Variants in ZMAT4 observed in about 807,000 individuals in gnomAD.
The protein encoded by ZMAT4 is zinc finger matrin-type protein 4.
A neutral mutation model predicts 28.7 loss-of-function variants in ZMAT4; 17 were observed. That is an observed-to-expected ratio of 0.59 (90% confidence interval 0.41 to 0.89). The LOEUF (loss-of-function observed/expected upper bound fraction) is 0.89. ZMAT4 is among the 40% of genes least tolerant of loss of function. The pLI is 0.00. For synonymous variants in ZMAT4, 117 were observed against 109.2 expected (o/e 1.07, Z -0.44); for missense variants, 240 against 283.8 (o/e 0.85, Z 1.11).
In ZMAT4 at chr8:40,858,849, A is replaced by G. The variant is rs113905145; in HGVS notation, c.-4-33169T>C. 3.1e-3 allele frequency among the ~76,000 whole-genome samples: 467 copies of G among 152,258 alleles called. 3 individuals carry two copies. Among genetic ancestry groups the G allele is most frequent in the African/African-American group, 0.011 (449 of 41,536 alleles). On this transcript the variant is annotated intron_variant, in intron 1 of 6. Coordinates refer to ENST00000297737, the MANE Select transcript of ZMAT4 (RefSeq NM_024645.3). ...ATGATCAAATACAGGAAATCTGTCCATGCTCATTTGTACACGGGTCTTTGC... is the reference window on the plus strand; with the variant it reads ...ATGATCAAATACAGGAAATCTGTCCGTGCTCATTTGTACACGGGTCTTTGC...
intron 1 of ZMAT4, among the ~76,000 whole-genome samples, chr8:40,891,272 A>AGGGGGGAG (rs1818673754): frequency 2.0e-5 from 2 of 98,012 alleles, no homozygotes; most frequent in Non-Finnish European, 4.2e-5. Flanking sequence ...GGGAGGGGGA[A>AGGGGGGAG]GGGGAAATTG....
chr8:40,719,094 A>C (rs1196401631), intron 3 of ZMAT4, among the ~76,000 whole-genome samples: 3 of 152,036 alleles, frequency 2.0e-5, no homozygotes, highest in Non-Finnish European at 1.5e-5. Context: ...CATTACCCCA[A>C]ACTGATGTTT....
intron 5 of ZMAT4, among the ~76,000 whole-genome samples, chr8:40,658,919 C>A (rs1352105886): frequency 6.6e-6 from 1 of 152,094 alleles, no homozygotes; most frequent in Non-Finnish European, 1.5e-5. Flanking sequence ...TTGATTGCTC[C>A]CCATTGTCTT....
chr8:40,824,823 A>G lies in ZMAT4; in HGVS notation c.102+752T>C, dbSNP rs907121029. On this transcript the variant is annotated intron_variant, in intron 2 of 6. Coordinates refer to ENST00000297737, the MANE Select transcript of ZMAT4 (RefSeq NM_024645.3). ...CCTACTAGTATATGTTCTTTTGAAA[A>G]CAGAACATGCCCTAGTAGCTCTCAG... 1.8e-3 allele frequency among the ~76,000 whole-genome samples: 254 copies of G among 143,730 alleles called. No individual in the cohort carries two copies. In the Middle Eastern group the frequency reaches 0.026, roughly 15 times the overall value. The allele number at this position is 143,730 out of a possible 152,430, so 94.3% of individuals were successfully genotyped here.
chr8:40,851,307 G>T (rs1817098651), intron 1 of ZMAT4, among the ~76,000 whole-genome samples: 1 of 152,024 alleles, frequency 6.6e-6, no homozygotes, highest in Admixed American at 6.6e-5. Flanking sequence ...CAGCCTGAGT[G>T]ATAAGAGCGA....
intron 2 of ZMAT4, among the ~76,000 whole-genome samples, chr8:40,804,513 C>G (rs963327543): frequency 6.6e-5 from 10 of 152,084 alleles, no homozygotes; most frequent in African/African-American, 2.4e-4. Flanking sequence ...GGTTGACTGA[C>G]TTTGGAGATT....
chr8:40,691,016 G>A (rs1363250002), intron 4 of ZMAT4: 3 of 737,238 alleles, frequency 4.1e-6, no homozygotes, highest in South Asian at 1.2e-4. Context: ...CACTTAGTGA[G>A]AGCCTTGGAT....
chr8:40,646,626 A>T (rs1408316863), intron 5 of ZMAT4, among the ~76,000 whole-genome samples: 2 of 152,176 alleles, frequency 1.3e-5, no homozygotes, highest in African/African-American at 2.4e-5. Context: ...AAATAAGGAC[A>T]TTTCATTATG....
At position 40,561,224 on chromosome 8, in the gene ZMAT4, T is replaced by A. The variant is rs1175344073; in HGVS notation, c.674+19941A>T. 2.0e-5 allele frequency among the ~76,000 whole-genome samples: 3 copies of A among 152,146 alleles called. No individual in the cohort carries two copies. The East Asian group carries it at 5.8e-4, about 29-fold the overall frequency. On this transcript the variant is annotated intron_variant, in intron 6 of 6. Coordinates refer to ENST00000297737, the MANE Select transcript of ZMAT4 (RefSeq NM_024645.3). ...TCTTAAGTTACTATATCTTTAATTT[T>A]TTTTTTCAAAGAAGGACAAGAAAAC...
Position 40,776,925 on chromosome 8 carries a change from C to CT in ZMAT4, c.103-9196dup, listed in dbSNP as rs36090424. Among the ~76,000 whole-genome samples, 425 of 141,348 alleles carry CT rather than the reference C, an allele frequency of 3.0e-3. 3 individuals carry two copies. The highest frequency in any genetic ancestry group is 0.018 in the South Asian group (80 of 4,482). 92.7% of individuals were successfully genotyped at this position (141,348 alleles called of 152,430 possible). The stretch of plus-strand genomic sequence containing the variant: ...TAGTGTGATAGCCACCGATTTCTTT[C>CT]TTTTTTTTTTTTTTGTAAAGTCATG... On this transcript the variant is annotated intron_variant, in intron 2 of 6. Coordinates refer to ENST00000297737, the MANE Select transcript of ZMAT4 (RefSeq NM_024645.3).
chr8:40,719,275 C>T (rs1428358448), intron 3 of ZMAT4, among the ~76,000 whole-genome samples: 1 of 151,998 alleles, frequency 6.6e-6, no homozygotes, highest in African/African-American at 2.4e-5. Context: ...CCTGTCTCTA[C>T]TAAAAATACA....
At chr8:40,591,269 A>G (rs1346153717) in intron 5 of ZMAT4, among the ~76,000 whole-genome samples, 1 of 152,204 alleles carries the variant, frequency 6.6e-6, no homozygotes, top group Non-Finnish European at 1.5e-5. Flanking sequence ...AAGAGCAGTT[A>G]GTACAGTGAC....
intron 2 of ZMAT4, among the ~76,000 whole-genome samples, chr8:40,787,519 C>T (rs1814136765): frequency 6.6e-6 from 1 of 152,200 alleles, no homozygotes; most frequent in Non-Finnish European, 1.5e-5. Context: ...CCTCAGCATA[C>T]AATTTTTGTC....
intron 5 of ZMAT4, among the ~76,000 whole-genome samples, chr8:40,652,362 GC>G (rs1459906057): frequency 8.1e-6 from 1 of 123,212 alleles, no homozygotes; most frequent in East Asian, 2.5e-4. Flanking sequence ...TCAGAGAAAT[GC>G]AAATCAAAAC....
chr8:40,812,925 C>A (rs1400120501), intron 2 of ZMAT4, among the ~76,000 whole-genome samples: 1 of 139,570 alleles, frequency 7.2e-6, no homozygotes, highest in Non-Finnish European at 1.5e-5. Context: ...AAGAGCAAAA[C>A]TCCATCTCAA....
intron 1 of ZMAT4, among the ~76,000 whole-genome samples, chr8:40,866,910 C>T (rs956210183): frequency 2.0e-5 from 3 of 152,178 alleles, no homozygotes; most frequent in East Asian, 1.9e-4. Context: ...AGACAGCACT[C>T]GGAGGGCACA....
chr8:40,792,473 CAGGA>C (rs372079235), intron 2 of ZMAT4, among the ~76,000 whole-genome samples: 248 of 14,442 alleles, frequency 0.017, 1 homozygote, highest in East Asian at 0.046. Context: ...GAATAGTATT[CAGGA>C]AGGAAGGAAG....
intron 6 of ZMAT4, among the ~76,000 whole-genome samples, chr8:40,542,823 C>T (rs1803083228): frequency 6.6e-6 from 1 of 152,208 alleles, no homozygotes; most frequent in Non-Finnish European, 1.5e-5. Flanking sequence ...GGATTTATCA[C>T]TAAATGGCTG....
chr8:40,562,869 AAT>A (rs1360094868), intron 6 of ZMAT4, among the ~76,000 whole-genome samples: 2 of 152,102 alleles, frequency 1.3e-5, no homozygotes, highest in Non-Finnish European at 2.9e-5. Context: ...AGAAATACAA[AAT>A]ATATCATTAT....
Sources: allele counts gnomAD v4.1 joint callset (sites outside exome capture counted in the v4.1 genomes callset), GRCh38; gene constraint gnomAD v4.1.1; transcripts MANE v1.5; gene names NCBI Gene and HGNC (gene_info 2026-07-23, HGNC 2026-07-21).